PTPN3: variants seen among roughly 807,000 people sequenced by gnomAD.
PTPN3 encodes tyrosine-protein phosphatase non-receptor type 3.
A neutral mutation model predicts 132.7 loss-of-function variants in PTPN3; 96 were observed. That is an observed-to-expected ratio of 0.72 (90% CI 0.61 to 0.86). The LOEUF is 0.86. Ranked by LOEUF, PTPN3 falls within the 40% of genes least tolerant of loss-of-function variation. The pLI is 0.00. For missense variants in PTPN3, 1,125 were observed against 1,159.6 expected, an observed-to-expected ratio of 0.97 and a Z score of 0.43; for synonymous variants, 398 against 429.0, an observed-to-expected ratio of 0.93 and a Z score of 0.89.
intron 22 of PTPN3, among the ~76,000 whole-genome samples, chr9:109,387,319 G>A (rs533670117): frequency 6.9e-4 from 105 of 152,318 alleles, no homozygotes; most frequent in African/African-American, 2.4e-3. Flanking sequence ...GAAGAGCCTC[G>A]TTGCCTAAGT....
At chr9:109,487,797 T>C (rs1847279411) in intron 1 of PTPN3, among the ~76,000 whole-genome samples, 1 of 152,186 alleles carries the variant, frequency 6.6e-6, no homozygotes. Context: ...TAAAAATACA[T>C]GGCCCATCTG....
At chr9:109,439,034 T>C (rs955159912) in intron 7 of PTPN3, among the ~76,000 whole-genome samples, 2 of 152,170 alleles carry the variant, frequency 1.3e-5, no homozygotes, top group African/African-American at 2.4e-5. Flanking sequence ...GACCCTTGAC[T>C]GTTGTCTGCC....
chr9:109,452,591 G>C (rs1845330196), intron 5 of PTPN3, among the ~76,000 whole-genome samples: 1 of 151,002 alleles, frequency 6.6e-6, no homozygotes. Flanking sequence ...TCTGCAACAG[G>C]GTCTCAGTCG....
intron 21 of PTPN3, among the ~76,000 whole-genome samples, chr9:109,390,163 C>T (rs1156959034): frequency 6.6e-6 from 1 of 152,194 alleles, no homozygotes; most frequent in Admixed American, 6.5e-5. Flanking sequence ...TGATGCTCTG[C>T]TTTTAAGACA....
chr9:109,526,300 C>T, the PTPN3 span, among the ~76,000 whole-genome samples: 1 of 150,034 alleles, frequency 6.7e-6, no homozygotes, highest in Admixed American at 6.6e-5. Flanking sequence ...TTAAATTCAT[C>T]TGCAGTTTTA....
At chr9:109,534,652 AAT>A in the PTPN3 span, among the ~76,000 whole-genome samples, 28 of 145,560 alleles carry the variant, frequency 1.9e-4, 1 homozygote, top group Admixed American at 9.6e-4. Flanking sequence ...AAAAAAAAAA[AAT>A]ACCTGGGCGT....
chr9:109,476,598 C>T (rs1299162512), intron 1 of PTPN3, among the ~76,000 whole-genome samples: 1 of 152,086 alleles, frequency 6.6e-6, no homozygotes, highest in African/African-American at 2.4e-5. Context: ...CTTGGGAGTA[C>T]TCTGGGACAG....
chr9:109,449,890 T>C lies in PTPN3; in HGVS notation c.369-1035A>G, dbSNP rs909966120. 3.8e-5 allele frequency: 37 copies of C among 985,310 alleles called. No individual in the cohort carries two copies. In the African/African-American group the frequency reaches 5.6e-4, roughly 15 times the overall value. 61.0% of individuals were successfully genotyped at this position (985,310 alleles called of 1,614,324 possible). On this transcript the variant is annotated intron_variant, in intron 5 of 25. Transcript: ENST00000374541. Reference sequence around the variant, plus strand: ...GAGATGGGAATGCTTCAAACAGTATTACAACCTCCTATTTGCACAGTTCCG... The same window carrying C: ...GAGATGGGAATGCTTCAAACAGTATCACAACCTCCTATTTGCACAGTTCCG...
chr9:109,510,570 AAAAAAAATATATAT>A, the PTPN3 span, among the ~76,000 whole-genome samples: 5 of 78,500 alleles, frequency 6.4e-5, no homozygotes, highest in Non-Finnish European at 1.3e-4. Flanking sequence ...AAAAAAAAAA[AAAAAAAATATATAT>A]ATATATATAT....
chr9:109,409,516 G>T (rs924217002), intron 16 of PTPN3, among the ~76,000 whole-genome samples: 3 of 152,088 alleles, frequency 2.0e-5, no homozygotes, highest in African/African-American at 7.2e-5. Flanking sequence ...AGCTGTTAAG[G>T]CCACATTAAA....
intron 12 of PTPN3, among the ~76,000 whole-genome samples, chr9:109,425,525 A>G (rs962489951): frequency 2.0e-5 from 3 of 151,374 alleles, no homozygotes; most frequent in Non-Finnish European, 4.4e-5. Flanking sequence ...AGCCTGCCCA[A>G]TGTGGTGAAA....
intron 10 of PTPN3, among the ~76,000 whole-genome samples, chr9:109,430,544 A>G (rs1588412639): frequency 1.1e-5 from 1 of 90,534 alleles, no homozygotes; most frequent in African/African-American, 3.6e-5. Context: ...CATTTATAAG[A>G]AAAAAAAAAT....
chr9:109,498,828 A>G (rs1314289049), upstream of PTPN3, among the ~76,000 whole-genome samples: 1 of 152,080 alleles, frequency 6.6e-6, no homozygotes, highest in Non-Finnish European at 1.5e-5. This position sits in a 1 kb window ranked among gnomAD's most constrained non-coding sequence, Gnocchi z 4.2. Flanking sequence ...TCTGTCCATC[A>G]AACACTCGAA....
chr9:109,446,564 A>T (rs1366962515), intron 6 of PTPN3, among the ~76,000 whole-genome samples: 1 of 152,146 alleles, frequency 6.6e-6, no homozygotes, highest in Non-Finnish European at 1.5e-5. Flanking sequence ...CAGAAACAGG[A>T]TGAGTATCAG....
chr9:109,427,214 T>A lies in PTPN3; in HGVS notation c.829-92A>T, dbSNP rs563918521. 1.0e-4 allele frequency: 138 copies of A among 1,375,660 alleles called. No individual in the cohort carries two copies. The Middle Eastern group carries it at 1.2e-3, about 12-fold the overall frequency. The allele number at this position is 1,375,660 out of a possible 1,614,324, so 85.2% of individuals were successfully genotyped here. ...CCCACATTGGTGAAATGAGGTAAGA[T>A]GCAACAGACAGCAGAAAACTGGTTT... On this transcript the variant is annotated intron_variant, in intron 11 of 25. Transcript: ENST00000374541.
intron 14 of PTPN3, among the ~76,000 whole-genome samples, chr9:109,415,074 C>T (rs1389239833): frequency 9.0e-6 from 1 of 111,400 alleles, no homozygotes; most frequent in Non-Finnish European, 1.9e-5. Flanking sequence ...GTCCGTCCAT[C>T]CAACCATCCA....
At chr9:109,532,801 G>T in the PTPN3 span, 2 of 659,464 alleles carry the variant, frequency 3.0e-6, no homozygotes, top group Non-Finnish European at 4.3e-6. Context: ...TGACTACACC[G>T]GTTGATGATA....
chr9:109,410,325 G>C lies in PTPN3; in HGVS notation c.1404C>G (p.Cys468Trp). The C allele has an allele frequency of 6.2e-7, 1 of 1,614,212 alleles. No homozygotes were observed. Among genetic ancestry groups the C allele is most frequent in the East Asian group, 2.2e-5 (1 of 44,882 alleles). Reference protein sequence around the residue: ...VSPSSNAPGSCSPDGVDQQLL... With the variant: ...VSPSSNAPGSWSPDGVDQQLL... The stretch of plus-strand genomic sequence containing the variant: ...GCTGCTGATCAACGCCGTCAGGTGA[G>C]CAGGAGCCTGGAGCATTTGAAGATG... The change falls in exon 15 of 26, where the codon TGC becomes TGG. Residue 468 changes from cysteine to tryptophan, a missense_variant. By Grantham distance (215) the Cys-to-Trp change is radical. Coordinates refer to ENST00000374541, the MANE Select transcript of PTPN3 (RefSeq NM_002829.4).
chr9:109,390,897 C>A (rs1840020750), intron 21 of PTPN3, among the ~76,000 whole-genome samples: 1 of 152,160 alleles, frequency 6.6e-6, no homozygotes, highest in Admixed American at 6.5e-5. Flanking sequence ...AAACACAGAA[C>A]AAGTCTGGTC....
Sources: gnomAD v4.1 joint callset for allele counts (sites outside exome capture counted in the v4.1 genomes callset) on GRCh38, gnomAD v4.1.1 for gene constraint, Gnocchi (gnomAD v3.1) non-coding constraint, MANE v1.5 for transcripts, NCBI Gene and HGNC (gene_info 2026-07-23, HGNC 2026-07-21) for gene names.